Variants in PRR16 observed in about 807,000 individuals in gnomAD.
PRR16 encodes proline rich 16.
Under a neutral mutation model 18.2 loss-of-function variants are expected in PRR16, and 6 were observed. The observed-to-expected ratio is 0.33, with a 90% CI of 0.18 to 0.65. The LOEUF (loss-of-function observed/expected upper bound fraction) is 0.65. Ranked by LOEUF, PRR16 falls within the 30% of genes least tolerant of loss-of-function variation. The pLI is 0.74. For missense variants in PRR16, 412 were observed against 376.6 expected, an observed-to-expected ratio of 1.09 and a Z score of -0.78; for synonymous variants, 151 against 147.8, an observed-to-expected ratio of 1.02 and a Z score of -0.16.
At chr5:120,760,631 T>G in the PRR16 span, among the ~76,000 whole-genome samples, 2 of 139,506 alleles carry the variant, frequency 1.4e-5, no homozygotes, top group African/African-American at 5.0e-5. Flanking sequence ...ACCTGAGACT[T>G]TACCTAATAA....
chr5:120,551,530 G>A (rs778549476), intron 1 of PRR16, among the ~76,000 whole-genome samples: 3 of 151,814 alleles, frequency 2.0e-5, no homozygotes, highest in Non-Finnish European at 2.9e-5. Flanking sequence ...TATAATCAAT[G>A]TATGATGAAT....
At chr5:120,488,963 GA>G (rs1426784223) in intron 1 of PRR16, among the ~76,000 whole-genome samples, 4 of 152,140 alleles carry the variant, frequency 2.6e-5, no homozygotes, top group African/African-American at 9.7e-5. Flanking sequence ...GAGTGGTTTT[GA>G]AGTGAGTTTC....
the PRR16 span, among the ~76,000 whole-genome samples, chr5:120,748,807 C>G: frequency 1.3e-5 from 2 of 152,044 alleles, no homozygotes; most frequent in Non-Finnish European, 2.9e-5. Flanking sequence ...TGTGGACAGA[C>G]AGTAAGGGAG....
At chr5:120,747,852 A>C in the PRR16 span, among the ~76,000 whole-genome samples, 129 of 152,248 alleles carry the variant, frequency 8.5e-4, 1 homozygote, top group African/African-American at 3.0e-3. Flanking sequence ...TTTTCCTTAG[A>C]TTACTAGACT....
chr5:120,581,925 TGAG>T (rs1367160368), intron 1 of PRR16, among the ~76,000 whole-genome samples: 1 of 152,152 alleles, frequency 6.6e-6, no homozygotes, highest in Non-Finnish European at 1.5e-5. Flanking sequence ...TGAATTTTGC[TGAG>T]GAGTGTTTTA....
At chr5:120,600,803 C>T (rs1279890097) in intron 1 of PRR16, among the ~76,000 whole-genome samples, 4 of 151,890 alleles carry the variant, frequency 2.6e-5, no homozygotes, top group Non-Finnish European at 5.9e-5. Context: ...TTATCTTGCA[C>T]TTACAAGTGA....
At chr5:120,538,067 C>T (rs1485704112) in intron 1 of PRR16, among the ~76,000 whole-genome samples, 1 of 152,108 alleles carries the variant, frequency 6.6e-6, no homozygotes, top group Non-Finnish European at 1.5e-5. Flanking sequence ...TGAGCCACCG[C>T]GCCCGGCCGT....
intron 1 of PRR16, among the ~76,000 whole-genome samples, chr5:120,487,154 T>G (rs993522719): frequency 1.3e-5 from 2 of 152,220 alleles, no homozygotes; most frequent in African/African-American, 4.8e-5. Context: ...CCATATGAAC[T>G]TTAAAGTAGT....
intron 1 of PRR16, among the ~76,000 whole-genome samples, chr5:120,519,780 A>G (rs1346535939): frequency 1.3e-5 from 2 of 152,130 alleles, no homozygotes; most frequent in African/African-American, 4.8e-5. Flanking sequence ...TATGTGCCAG[A>G]TATTTTGGGG....
intron 1 of PRR16, among the ~76,000 whole-genome samples, chr5:120,657,239 C>A (rs1756013043): frequency 6.6e-6 from 1 of 151,902 alleles, no homozygotes; most frequent in African/African-American, 2.4e-5. Flanking sequence ...CTTGCCAGCC[C>A]AGGTTTTAAA....
the PRR16 span, among the ~76,000 whole-genome samples, chr5:120,701,158 T>C: frequency 6.6e-6 from 1 of 152,144 alleles, no homozygotes; most frequent in Non-Finnish European, 1.5e-5. Flanking sequence ...TGTCTCACAG[T>C]GGAGGCAAGG....
chr5:120,757,016 C>T, the PRR16 span, among the ~76,000 whole-genome samples: 3 of 151,960 alleles, frequency 2.0e-5, no homozygotes, highest in Non-Finnish European at 4.4e-5. Context: ...GTAGGGGGTC[C>T]AGTTTTATTC....
At chr5:120,695,041 G>T in the PRR16 span, among the ~76,000 whole-genome samples, 2 of 152,158 alleles carry the variant, frequency 1.3e-5, no homozygotes, top group African/African-American at 4.8e-5. Flanking sequence ...GGAGTCCTAT[G>T]GTTACAGTGA....
At position 120,501,392 on chromosome 5, in the gene PRR16, T is replaced by C. The variant is rs567801162; in HGVS notation, c.159+36747T>C. 3.3e-5 allele frequency among the ~76,000 whole-genome samples: 5 copies of C among 150,356 alleles called. No individual in the cohort carries two copies. In the South Asian group the frequency reaches 1.0e-3, roughly 31 times the overall value. The stretch of plus-strand genomic sequence containing the variant: ...TTCTTTTGTCTAGAAAGAAACAAAA[T>C]GTGACTTGGAGATATTAAACACACA... On this transcript the variant is annotated intron_variant, in intron 1 of 1. Transcript: ENST00000407149.
intron 1 of PRR16, among the ~76,000 whole-genome samples, chr5:120,592,678 GT>G (rs1356246243): frequency 2.0e-5 from 3 of 151,928 alleles, no homozygotes; most frequent in African/African-American, 7.2e-5. Context: ...ACAACTTATT[GT>G]TTAAATGGAG....
chr5:120,534,585 T>G (rs192069695), intron 1 of PRR16, among the ~76,000 whole-genome samples: 44 of 152,224 alleles, frequency 2.9e-4, no homozygotes, highest in African/African-American at 1.0e-3. Context: ...TGAATCTATC[T>G]GTACTTAGAA....
At chr5:120,673,651 G>A (rs957007485) in intron 1 of PRR16, among the ~76,000 whole-genome samples, 1 of 151,880 alleles carries the variant, frequency 6.6e-6, no homozygotes, top group Admixed American at 6.6e-5. Context: ...AAACATGAAC[G>A]TACTAGGCCA....
At chr5:120,490,024 G>A (rs1749968848) in intron 1 of PRR16, among the ~76,000 whole-genome samples, 1 of 152,192 alleles carries the variant, frequency 6.6e-6, no homozygotes, top group African/African-American at 2.4e-5. Flanking sequence ...GAGATCAGCT[G>A]TTAGTCTGAT....
chr5:120,618,445 G>C, intron 1 of PRR16: 1 of 962,604 alleles, frequency 1.0e-6, no homozygotes, highest in Non-Finnish European at 1.2e-6. Flanking sequence ...TTAACAGTTT[G>C]TTAGGTGCTG....
Sources: allele counts gnomAD v4.1 joint callset (sites outside exome capture counted in the v4.1 genomes callset), GRCh38; gene constraint gnomAD v4.1.1; transcripts MANE v1.5; gene names NCBI Gene and HGNC (gene_info 2026-07-23, HGNC 2026-07-21).